Variants in ATP8A1 observed in about 807,000 individuals in gnomAD.
The protein encoded by ATP8A1 is phospholipid-transporting ATPase IA.
A neutral mutation model predicts 177.7 loss-of-function variants in ATP8A1; 90 were observed. The ratio of observed to expected loss-of-function variants is 0.51; its 90% confidence interval spans 0.43 to 0.60. The LOEUF (loss-of-function observed/expected upper bound fraction) is 0.60. Among genes scored for constraint, ATP8A1 ranks in the 20% least tolerant of loss-of-function variants. The pLI, the probability that ATP8A1 is intolerant of heterozygous loss-of-function variation, is 0.00. For missense variants in ATP8A1, 1,072 were observed against 1,392.8 expected (o/e 0.77, Z 3.67); for synonymous variants, 493 against 485.9 (o/e 1.01, Z -0.19).
chr4:42,653,130 T>C (rs1328091602), intron 1 of ATP8A1, among the ~76,000 whole-genome samples: 2 of 152,336 alleles, frequency 1.3e-5, no homozygotes, highest in East Asian at 3.9e-4. Flanking sequence ...CTCTCCTGCC[T>C]TGGGGCATTT....
At chr4:42,633,520 TTCTC>T (rs1267779575) in intron 1 of ATP8A1, among the ~76,000 whole-genome samples, 1 of 152,204 alleles carries the variant, frequency 6.6e-6, no homozygotes, top group Non-Finnish European at 1.5e-5. Context: ...AAGGTCCTCT[TTCTC>T]AGGGACTTAT....
chr4:42,534,847 G>A, intron 20 of ATP8A1, among the ~76,000 whole-genome samples: 1 of 152,096 alleles, frequency 6.6e-6, no homozygotes, highest in East Asian at 1.9e-4. Context: ...AGGAATTGAG[G>A]ACCTACCTTT....
chr4:42,578,912 G>A lies in ATP8A1; in HGVS notation c.1001-525C>T, dbSNP rs1437090050. Among the ~76,000 whole-genome samples the A allele has an allele frequency of 3.3e-5, 5 of 151,938 alleles. No homozygotes were observed. The East Asian group carries it at 9.6e-4, about 29-fold the overall frequency. On this transcript the variant is annotated intron_variant, in intron 11 of 36. Coordinates refer to ENST00000381668, the MANE Select transcript of ATP8A1 (RefSeq NM_006095.2). ...CTGCTATACCAGATACAATTATAAA[G>A]TATACAAAGAAACAGACTGATGGTA...
At chr4:42,448,828 G>GTTTTTTTT (rs55946444) in intron 30 of ATP8A1, among the ~76,000 whole-genome samples, 7 of 84,232 alleles carry the variant, frequency 8.3e-5, no homozygotes, top group African/African-American at 3.2e-4. Flanking sequence ...TGTACTTTGC[G>GTTTTTTTT]TTTTTTTTTT....
Position 42,518,477 on chromosome 4 carries a change from C to T in ATP8A1, c.1947+3683G>A, listed in dbSNP as rs71610024. ...CAACAAGCCCTGCCTGGAGCACCCACGAGGGCAAGGTGGAGGCTGAGGGGA... is the reference window on the plus strand; with the variant it reads ...CAACAAGCCCTGCCTGGAGCACCCATGAGGGCAAGGTGGAGGCTGAGGGGA... On this transcript the variant is annotated intron_variant, in intron 22 of 36. Coordinates refer to ENST00000381668, the MANE Select transcript of ATP8A1 (RefSeq NM_006095.2). Among the ~76,000 whole-genome samples the T allele has an allele frequency of 3.9e-3, 591 of 152,282 alleles. 3 individuals carry two copies. Among genetic ancestry groups the T allele is most frequent in the Non-Finnish European group, 6.1e-3 (412 of 68,028 alleles).
intron 25 of ATP8A1, chr4:42,472,137 AC>A (rs779733183): frequency 1.5e-6 from 1 of 652,482 alleles, no homozygotes; most frequent in Non-Finnish European, 3.0e-6. Flanking sequence ...AAAAAGCCAT[AC>A]AAAAAATAAG....
intron 11 of ATP8A1, among the ~76,000 whole-genome samples, chr4:42,579,183 G>A (rs1732769906): frequency 6.6e-6 from 1 of 151,586 alleles, no homozygotes; most frequent in African/African-American, 2.4e-5. Flanking sequence ...ATAATAAAAG[G>A]ATAAATGCTC....
chr4:42,503,461 C>T lies in ATP8A1; in HGVS notation c.2140G>A (p.Gly714Ser). Residue 714 changes from glycine to serine, a missense_variant, in exon 24 of 37, where the codon GGC becomes AGC. Coordinates refer to ENST00000381668, the MANE Select transcript of ATP8A1 (RefSeq NM_006095.2). Reference sequence around the variant, plus strand: ...ATAATTTTACTTACATCAAGAGAGCCTTCATTTATAACAATCATTCCCATG... The same window carrying T: ...ATAATTTTACTTACATCAAGAGAGCTTTCATTTATAACAATCATTCCCATG... Reference protein sequence around the residue: ...KNMGMIVINEGSLDGTRETLS... With the variant: ...KNMGMIVINESSLDGTRETLS... 6.2e-7 allele frequency: 1 copy of T among 1,602,552 alleles called. No individual in the cohort carries two copies. Among genetic ancestry groups the T allele is most frequent in the South Asian group, 1.1e-5 (1 of 90,108 alleles).
intron 22 of ATP8A1, among the ~76,000 whole-genome samples, chr4:42,511,473 C>G (rs1724998909): frequency 6.6e-6 from 1 of 152,090 alleles, no homozygotes; most frequent in Non-Finnish European, 1.5e-5. Context: ...CTAAATGTCA[C>G]CAAGCTAAAT....
At chr4:42,600,666 A>G in intron 5 of ATP8A1, 148 bp from the exon 6 acceptor site, 2 of 688,802 alleles carry the variant, frequency 2.9e-6, no homozygotes, top group Non-Finnish European at 4.7e-6. Flanking sequence ...GATAGCAAGA[A>G]TATGTAAACT....
intron 5 of ATP8A1, among the ~76,000 whole-genome samples, chr4:42,615,450 T>TAA (rs879716026): frequency 6.8e-6 from 1 of 147,018 alleles, no homozygotes; most frequent in Non-Finnish European, 1.5e-5. Context: ...TCCTGGGCAT[T>TAA]AAAAAAAAAA....
intron 12 of ATP8A1, 105 bp downstream of exon 12, chr4:42,578,155 C>T (rs1732662178): frequency 4.5e-6 from 5 of 1,111,158 alleles, no homozygotes; most frequent in Non-Finnish European, 6.1e-6. Flanking sequence ...ATACTGTGGT[C>T]AAGAAACGGT....
intron 25 of ATP8A1, chr4:42,472,445 A>G: frequency 3.2e-6 from 1 of 315,892 alleles, no homozygotes; most frequent in South Asian, 2.8e-5. Flanking sequence ...ATAAATGGAA[A>G]TGTTACAAGA....
chr4:42,531,991 A>G (rs544211913), intron 20 of ATP8A1, among the ~76,000 whole-genome samples: 37 of 152,068 alleles, frequency 2.4e-4, no homozygotes, highest in African/African-American at 7.7e-4. Flanking sequence ...AGTCCCAGTT[A>G]CTCGGGAGTA....
At chr4:42,480,024 G>GTGTGTGTGTC (rs1721507679) in intron 25 of ATP8A1, among the ~76,000 whole-genome samples, 1 of 146,408 alleles carries the variant, frequency 6.8e-6, no homozygotes, top group Admixed American at 6.7e-5. Flanking sequence ...GTGTGTGTGT[G>GTGTGTGTGTC]TGTGTGTACT....
At chr4:42,442,595 C>T (rs569678351) in intron 33 of ATP8A1, among the ~76,000 whole-genome samples, 1 of 152,226 alleles carries the variant, frequency 6.6e-6, no homozygotes, top group Admixed American at 6.5e-5. Flanking sequence ...GTATATAATG[C>T]CTCTCTCTAA....
intron 25 of ATP8A1, among the ~76,000 whole-genome samples, chr4:42,473,611 G>A (rs1035992702): frequency 6.7e-6 from 1 of 150,360 alleles, no homozygotes; most frequent in African/African-American, 2.4e-5. Flanking sequence ...GGGGAGGTAA[G>A]GAAGGGATAA....
intron 5 of ATP8A1, among the ~76,000 whole-genome samples, chr4:42,609,150 T>C (rs1329533540): frequency 2.0e-5 from 3 of 152,194 alleles, no homozygotes; most frequent in Non-Finnish European, 4.4e-5. Context: ...TCAACTCATT[T>C]ATACAACCTT....
At chr4:42,583,622 G>T (rs1733328177) in intron 9 of ATP8A1, among the ~76,000 whole-genome samples, 1 of 152,172 alleles carries the variant, frequency 6.6e-6, no homozygotes, top group Admixed American at 6.5e-5. Flanking sequence ...ATCATAGCTG[G>T]TGTTCCAAGG....
Sources: allele counts gnomAD v4.1 joint callset (sites outside exome capture counted in the v4.1 genomes callset), GRCh38; gene constraint gnomAD v4.1.1; transcripts MANE v1.5; gene names NCBI Gene and HGNC (gene_info 2026-07-23, HGNC 2026-07-21).